The following FBXL20 variants were observed in gnomAD, a reference collection of about 807,000 sequenced individuals.
FBXL20 encodes the protein F-box and leucine rich repeat protein 20, also known as F-box/LRR-repeat protein 20.
FBXL20 carries 11 observed loss-of-function variants against 64.0 expected under a neutral mutation model. That is an observed-to-expected ratio of 0.17 (90% CI 0.11 to 0.28). The LOEUF (loss-of-function observed/expected upper bound fraction) is 0.28, where lower values mean the gene tolerates loss of function less well. Ranked by LOEUF, FBXL20 falls within the 10% of genes least tolerant of loss-of-function variation. FBXL20 has a pLI of 1.00. For synonymous variants in FBXL20, 184 were observed against 189.0 expected (o/e 0.97, Z 0.22); for missense variants, 303 against 526.2 (o/e 0.58, Z 4.15).
At chr17:39,316,756 C>T (rs1034012649) in intron 2 of FBXL20, among the ~76,000 whole-genome samples, 2 of 152,148 alleles carry the variant, frequency 1.3e-5, no homozygotes, top group African/African-American at 2.4e-5. Context: ...GAGGCCAAGG[C>T]GGGGGTGGGC....
At chr17:39,326,212 A>C (rs1389559862) in intron 2 of FBXL20, among the ~76,000 whole-genome samples, 1 of 152,144 alleles carries the variant, frequency 6.6e-6, no homozygotes, top group Non-Finnish European at 1.5e-5. Flanking sequence ...CAAAAAAAAA[A>C]ACCTCTTTTC....
chr17:39,338,154 G>T (rs1321032653), intron 2 of FBXL20, among the ~76,000 whole-genome samples: 1 of 152,248 alleles, frequency 6.6e-6, no homozygotes, highest in African/African-American at 2.4e-5. Flanking sequence ...TGTGTAGAAG[G>T]AAGTAGACAT....
At position 39,299,774 on chromosome 17, in the gene FBXL20, C is replaced by G. The variant is rs190969653; in HGVS notation, c.235-690G>C. Among the ~76,000 whole-genome samples, 4 of 151,212 alleles carry G rather than the reference C, an allele frequency of 2.6e-5. No homozygotes were observed. In the East Asian group the frequency reaches 7.8e-4, roughly 29 times the overall value. On this transcript the variant is annotated intron_variant, in intron 4 of 14. Transcript: ENST00000264658. Reference sequence around the variant, plus strand: ...CTCCAGCCTGGGCGACAAAGCGAGACTCTGTCTCAAAACAACAACAACAAC... The same window carrying G: ...CTCCAGCCTGGGCGACAAAGCGAGAGTCTGTCTCAAAACAACAACAACAAC...
chr17:39,283,482 C>T (rs1475912133), intron 7 of FBXL20, among the ~76,000 whole-genome samples: 3 of 151,818 alleles, frequency 2.0e-5, no homozygotes, highest in African/African-American at 7.3e-5. Context: ...GTCACCCAGG[C>T]TGGAGTGCAG....
At position 39,253,321 on chromosome 17, in the gene FBXL20, G is replaced by C. The variant is rs892487968; in HGVS notation, c.*8139C>G. The C allele has an allele frequency of 5.9e-5, 9 of 152,510 alleles. No homozygotes were observed. Among genetic ancestry groups the C allele is most frequent in the African/African-American group, 2.2e-4 (9 of 41,466 alleles). The allele number at this position is 152,510 out of a possible 1,614,324, so 9.4% of individuals were successfully genotyped here. A position where few individuals can be genotyped will look rare whatever the true frequency, so the allele number is the denominator to read the frequency against. ...ACGGGAAGGTGGGCAAAGGTGAGCA[G>C]AGCAGCTGAGAAGTGCACATGGTAG... On this transcript the variant is annotated 3_prime_UTR_variant, in exon 15 of 15. Coordinates refer to ENST00000264658, the MANE Select transcript of FBXL20 (RefSeq NM_032875.3).
chr17:39,343,688 G>A (rs374969671), intron 1 of FBXL20, among the ~76,000 whole-genome samples: 71 of 149,452 alleles, frequency 4.8e-4, no homozygotes, highest in South Asian at 2.7e-3. Context: ...GCAACGTGGC[G>A]AAAACTCTTT....
chr17:39,320,697 C>G (rs527264861), intron 2 of FBXL20, among the ~76,000 whole-genome samples: 1 of 151,190 alleles, frequency 6.6e-6, no homozygotes, highest in Non-Finnish European at 1.5e-5. Context: ...CAGGCTCAAG[C>G]GATTCTCCTG....
At chr17:39,278,169 A>T (rs2046916014) in intron 9 of FBXL20, among the ~76,000 whole-genome samples, 1 of 152,156 alleles carries the variant, frequency 6.6e-6, no homozygotes, top group Non-Finnish European at 1.5e-5. Context: ...GTTTTGAGAC[A>T]GAGTCTCGCT....
intron 2 of FBXL20, among the ~76,000 whole-genome samples, chr17:39,338,738 G>A (rs1033774728): frequency 6.6e-6 from 1 of 152,072 alleles, no homozygotes; most frequent in African/African-American, 2.4e-5. Flanking sequence ...GTTGATACAT[G>A]GACAAGGATA....
chr17:39,354,386 C>G (rs1269416425), intron 1 of FBXL20, among the ~76,000 whole-genome samples: 1 of 152,198 alleles, frequency 6.6e-6, no homozygotes, highest in Non-Finnish European at 1.5e-5. Flanking sequence ...ATCGCACTTA[C>G]TACCCATTCC....
At chr17:39,268,745 G>C in intron 12 of FBXL20, 82 bp downstream of exon 12, 1 of 1,199,878 alleles carries the variant, frequency 8.3e-7, no homozygotes, top group Non-Finnish European at 1.2e-6. Flanking sequence ...CTACACTAGG[G>C]TAGGGAATTG....
rs368530587 is a variant in FBXL20 at position 39,289,998 on chromosome 17, C to CAAAAAA, written c.399-4431_399-4426dup. Among the ~76,000 whole-genome samples the CAAAAAA allele has an allele frequency of 2.6e-3, 108 of 41,866 alleles. 8 individuals are homozygous for CAAAAAA. The highest frequency in any genetic ancestry group is 7.3e-3 in the African/African-American group (98 of 13,386). 27.5% of individuals were successfully genotyped at this position (41,866 alleles called of 152,430 possible). On this transcript the variant is annotated intron_variant, in intron 6 of 14. Transcript: ENST00000264658. ...TGGGCAATAGTGCGAGACTCAGTCTCAAAAAAAAAAAAAAAAAAAAAAAAA... is the reference window on the plus strand; with the variant it reads ...TGGGCAATAGTGCGAGACTCAGTCTCAAAAAAAAAAAAAAAAAAAAAAAAAAAAAAA...
chr17:39,313,208 T>C (rs1004301037), intron 2 of FBXL20, among the ~76,000 whole-genome samples: 7 of 151,736 alleles, frequency 4.6e-5, no homozygotes, highest in African/African-American at 1.5e-4. Context: ...TGAGCCACAG[T>C]GCCCGGCCAT....
chr17:39,385,322 A>AACACAC lies in FBXL20; in HGVS notation c.42+16033_42+16038dup, dbSNP rs3078787. On this transcript the variant is annotated intron_variant, in intron 1 of 14. Coordinates refer to ENST00000264658, the MANE Select transcript of FBXL20 (RefSeq NM_032875.3). ...ACACTGTGAGACCCTGTCTCTAGAA[A>AACACAC]ACACACACACACACACACATAAATG... is the stretch of plus-strand genomic sequence containing the variant. Among the ~76,000 whole-genome samples, 807 of 151,304 alleles carry AACACAC rather than the reference A, an allele frequency of 5.3e-3. 6 individuals carry two copies. Among genetic ancestry groups the AACACAC allele is most frequent in the African/African-American group, 0.016 (655 of 41,214 alleles).
chr17:39,298,922 C>T, intron 5 of FBXL20, 68 bp downstream of exon 5: 1 of 1,303,010 alleles, frequency 7.7e-7, no homozygotes, highest in Non-Finnish European at 1.1e-6. Context: ...CGATTTTAGC[C>T]TTTTCTGGGT....
chr17:39,402,299 T>G (rs986026752), upstream of FBXL20: 2 of 906,302 alleles, frequency 2.2e-6, no homozygotes, highest in African/African-American at 1.7e-5. Context: ...CGCCGCCGCC[T>G]CCCCCGCCTC....
intron 1 of FBXL20, among the ~76,000 whole-genome samples, chr17:39,396,505 A>G (rs1855351941): frequency 1.3e-5 from 2 of 151,720 alleles, no homozygotes; most frequent in Non-Finnish European, 2.9e-5. Flanking sequence ...CTGAGGCAGG[A>G]GAATCGCTTG....
At chr17:39,279,091 C>G (rs1285001192) in intron 9 of FBXL20, among the ~76,000 whole-genome samples, 5 of 151,946 alleles carry the variant, frequency 3.3e-5, no homozygotes, top group Non-Finnish European at 7.4e-5. Context: ...TTGCAGAGAG[C>G]CGAGATCGCA....
chr17:39,277,412 A>T (rs924278850), intron 9 of FBXL20, among the ~76,000 whole-genome samples: 1 of 152,196 alleles, frequency 6.6e-6, no homozygotes, highest in Non-Finnish European at 1.5e-5. Flanking sequence ...TTTGTATGTT[A>T]TAAGAGAGTA....
Sources: gnomAD v4.1 joint callset for allele counts (sites outside exome capture counted in the v4.1 genomes callset) on GRCh38, gnomAD v4.1.1 for gene constraint, MANE v1.5 for transcripts, NCBI Gene and HGNC (gene_info 2026-07-23, HGNC 2026-07-21) for gene names.